Variants in FECH observed in about 807,000 individuals in gnomAD.
FECH encodes the protein ferrochelatase, also known as ferrochelatase, mitochondrial.
Under a neutral mutation model 56.9 loss-of-function variants are expected in FECH, and 40 were observed. That is an observed-to-expected ratio of 0.70 (90% CI 0.55 to 0.92). The LOEUF (loss-of-function observed/expected upper bound fraction) is 0.92. Among genes scored for constraint, FECH ranks in the 40% least tolerant of loss-of-function variants. The probability of loss-of-function intolerance (pLI) is 0.00; values close to 1 mark genes in which losing one functional copy is unlikely to be tolerated. For missense variants in FECH, 431 were observed against 529.1 expected, an observed-to-expected ratio of 0.81 and a Z score of 1.82; for synonymous variants, 175 against 198.6, an observed-to-expected ratio of 0.88 and a Z score of 1.00.
intron 1 of FECH, among the ~76,000 whole-genome samples, chr18:57,583,393 C>A (rs2051315871): frequency 6.6e-6 from 1 of 152,210 alleles, no homozygotes. Flanking sequence ...CACACGGGAC[C>A]AAGAGGCTGT....
intron 2 of FECH, among the ~76,000 whole-genome samples, chr18:57,575,897 G>C (rs556299928): frequency 6.6e-6 from 1 of 152,148 alleles, no homozygotes; most frequent in Non-Finnish European, 1.5e-5. Flanking sequence ...TTCAGAATAC[G>C]AATCAATTCC....
In FECH at chr18:57,576,549, C is replaced by G. The variant is rs369748263; in HGVS notation, c.195-3184G>C. 2.0e-5 allele frequency among the ~76,000 whole-genome samples: 3 copies of G among 152,300 alleles called. No homozygotes were observed. The East Asian group carries it at 5.8e-4, about 29-fold the overall frequency. ...AACAGATTACTGGTTAAAAAAACCTCAGGCTAAAAGACTTACCTAAGCCAC... is the reference window on the plus strand; with the variant it reads ...AACAGATTACTGGTTAAAAAAACCTGAGGCTAAAAGACTTACCTAAGCCAC... On this transcript the variant is annotated intron_variant, in intron 2 of 10. Coordinates refer to ENST00000262093, the MANE Select transcript of FECH (RefSeq NM_000140.5).
intron 4 of FECH, among the ~76,000 whole-genome samples, chr18:57,570,666 G>A (rs2051092540): frequency 6.6e-6 from 1 of 152,186 alleles, no homozygotes; most frequent in Non-Finnish European, 1.5e-5. Flanking sequence ...TATCAGTTCA[G>A]TCTACAATAG....
rs545937437 is a variant in FECH at position 57,571,528 on chromosome 18, T to C, written c.327A>G (p.Pro109=). ...MTLPIQNKLA[P]FIAKRRTPKI... is the part of the protein sequence containing the mutation. ...TGGGGGTTCGGCGTTTGGCGATGAA[T>C]GGTGCCAGCTTACTAAATCATTTAA... The change falls in exon 4 of 11, where the codon CCA becomes CCG. Residue 109 remains proline (P), a synonymous_variant. Coordinates refer to ENST00000262093, the MANE Select transcript of FECH (RefSeq NM_000140.5). The C allele has an allele frequency of 2.5e-6, 4 of 1,614,094 alleles. No individual in the cohort carries two copies. The South Asian group carries it at 3.3e-5, about 13-fold the overall frequency.
intron 9 of FECH, 62 bp downstream of exon 9, chr18:57,554,198 T>C: frequency 1.3e-6 from 2 of 1,571,132 alleles, no homozygotes; most frequent in Non-Finnish European, 1.8e-6. Flanking sequence ...ATTAGTTAGT[T>C]GCAGAAAAAA....
chr18:57,558,796 C>T (rs2050899981), intron 7 of FECH, among the ~76,000 whole-genome samples: 1 of 152,040 alleles, frequency 6.6e-6, no homozygotes, highest in Admixed American at 6.6e-5. Context: ...TGGTGGGTGC[C>T]TGTAATCCCA....
At chr18:57,564,972 G>A (rs576494876) in intron 5 of FECH, among the ~76,000 whole-genome samples, 33 of 152,336 alleles carry the variant, frequency 2.2e-4, no homozygotes, top group Admixed American at 1.3e-3. Context: ...GAGTGGCCTC[G>A]AAGAATTAAC....
chr18:57,579,519 T>C (rs2051243509), intron 2 of FECH, among the ~76,000 whole-genome samples: 1 of 152,100 alleles, frequency 6.6e-6, no homozygotes, highest in African/African-American at 2.4e-5. Flanking sequence ...GTGACTCCTG[T>C]TACTAAAGAG....
chr18:57,554,944 G>A lies in FECH; in HGVS notation c.813C>T (p.Asn271=). ...SAHSLPMSVV[N]RGDPYPQEVS... Reference sequence around the variant, plus strand: ...CCTCCTGAGGATATGGGTCGCCTCTGTTGACCACCTGCAGCAGAGACACAA... The same window carrying A: ...CCTCCTGAGGATATGGGTCGCCTCTATTGACCACCTGCAGCAGAGACACAA... Residue 271 remains asparagine, a synonymous_variant, in exon 8 of 11, where the codon AAC becomes AAT. Coordinates refer to ENST00000262093, the MANE Select transcript of FECH (RefSeq NM_000140.5). 6.2e-7 allele frequency: 1 copy of A among 1,614,008 alleles called. No individual in the cohort carries two copies. Among genetic ancestry groups the A allele is most frequent in the Non-Finnish European group, 8.5e-7 (1 of 1,179,898 alleles).
chr18:57,585,303 G>C (rs1164416372), intron 1 of FECH, among the ~76,000 whole-genome samples: 1 of 152,160 alleles, frequency 6.6e-6, no homozygotes, highest in South Asian at 2.1e-4. Flanking sequence ...ATCAAAGTCT[G>C]TAACACAAAT....
At chr18:57,572,190 A>G (rs1365725190) in intron 3 of FECH, among the ~76,000 whole-genome samples, 4 of 152,234 alleles carry the variant, frequency 2.6e-5, no homozygotes, top group African/African-American at 9.6e-5. Flanking sequence ...ATGTCCATCA[A>G]TGATAGACTG....
intron 1 of FECH, among the ~76,000 whole-genome samples, chr18:57,583,494 G>A (rs986426356): frequency 6.6e-6 from 1 of 152,262 alleles, no homozygotes; most frequent in African/African-American, 2.4e-5. Context: ...CAGGGCTGCT[G>A]TGAAGATAAG....
chr18:57,573,796 C>G (rs187975459), intron 2 of FECH, among the ~76,000 whole-genome samples: 185 of 152,306 alleles, frequency 1.2e-3, no homozygotes, highest in Non-Finnish European at 2.3e-3. Flanking sequence ...GCACCCACCA[C>G]CTACTCAAAA....
chr18:57,570,028 TTGTCG>T (rs1433758776), intron 4 of FECH, among the ~76,000 whole-genome samples: 3,451 of 101,894 alleles, frequency 0.034, 66 homozygotes, highest in South Asian at 0.08. Context: ...GTTGTTGTTG[TTGTCG>T]TGTGTGTGTG....
intron 7 of FECH, among the ~76,000 whole-genome samples, chr18:57,557,592 T>C (rs1568144697): frequency 1.3e-5 from 2 of 152,100 alleles, no homozygotes; most frequent in Admixed American, 6.6e-5. Flanking sequence ...TCACTTGAGG[T>C]TGAGACCAAC....
chr18:57,582,395 C>A (rs907795044), intron 1 of FECH, among the ~76,000 whole-genome samples: 1 of 152,076 alleles, frequency 6.6e-6, no homozygotes, highest in Non-Finnish European at 1.5e-5. Context: ...GTCCAAAACA[C>A]CTCTGGTCCC....
Position 57,549,424 on chromosome 18 carries a change from T to TTTA in FECH, c.*1287_*1288insTAA, listed in dbSNP as rs59569925. The TTTA allele has an allele frequency of 7.1e-6, 1 of 141,706 alleles. No homozygotes were observed. The highest frequency in any genetic ancestry group is 1.5e-5 in the Non-Finnish European group (1 of 66,006). 8.8% of individuals were successfully genotyped at this position (141,706 alleles called of 1,614,324 possible). On this transcript the variant is annotated 3_prime_UTR_variant, in exon 11 of 11. Coordinates refer to ENST00000262093, the MANE Select transcript of FECH (RefSeq NM_000140.5). Reference sequence around the variant, plus strand: ...TAATACTTCCACTTTATAAACTGGCTAAAAAAAAAAAAAAAAAGAAACGCT... The same window carrying TTTA: ...TAATACTTCCACTTTATAAACTGGCTTTAAAAAAAAAAAAAAAAAAGAAACGCT...
intron 1 of FECH, among the ~76,000 whole-genome samples, chr18:57,581,537 T>G (rs1236060204): frequency 6.6e-6 from 1 of 152,190 alleles, no homozygotes; most frequent in Non-Finnish European, 1.5e-5. Flanking sequence ...GCCCTCCTCC[T>G]CCTAAGAGGC....
intron 2 of FECH, among the ~76,000 whole-genome samples, chr18:57,574,990 C>G (rs2051164282): frequency 6.6e-6 from 1 of 152,134 alleles, no homozygotes; most frequent in South Asian, 2.1e-4. Context: ...CTCCCTGTTC[C>G]CTCCCCTCTC....
Sources: gnomAD v4.1 joint callset for allele counts (sites outside exome capture counted in the v4.1 genomes callset) on GRCh38, gnomAD v4.1.1 for gene constraint, MANE v1.5 for transcripts, NCBI Gene and HGNC (gene_info 2026-07-23, HGNC 2026-07-21) for gene names.